Variants in AP1M2 observed in about 807,000 individuals in gnomAD.
The protein encoded by AP1M2 is AP-1 complex subunit mu-2.
AP1M2 carries 41 observed loss-of-function variants against 54.6 expected under a neutral mutation model. The observed-to-expected ratio is 0.75, with a 90% CI of 0.59 to 0.97. The LOEUF (loss-of-function observed/expected upper bound fraction) is 0.97, where lower values mean the gene tolerates loss of function less well. Among genes scored for constraint, AP1M2 ranks in the 50% least tolerant of loss-of-function variants. The pLI is 0.00. For missense variants in AP1M2, 507 were observed against 561.2 expected (o/e 0.90, Z 0.98); for synonymous variants, 219 against 215.9 (o/e 1.01, Z -0.13).
intron 1 of AP1M2, among the ~76,000 whole-genome samples, chr19:10,585,853 C>T (rs1917640400): frequency 6.6e-6 from 1 of 152,088 alleles, no homozygotes; most frequent in African/African-American, 2.4e-5. Context: ...ACAAGACAGG[C>T]TGACTGCAGT....
intron 3 of AP1M2, among the ~76,000 whole-genome samples, chr19:10,582,683 G>A (rs1413032968): frequency 3.3e-5 from 5 of 151,924 alleles, no homozygotes; most frequent in South Asian, 2.1e-4. Flanking sequence ...AGGAGGTAGA[G>A]GTTGCAGTGA....
rs541296010 is a variant in AP1M2 at position 10,581,290 on chromosome 19, G to A, written c.649C>T (p.Arg217Cys). Residue 217 changes from arginine (R) to cysteine (C), a missense_variant, in exon 6 of 12, where the codon CGC becomes TGC. Physicochemically the swap from Arg to Cys is radical, Grantham distance 180 (BLOSUM62 -3). Transcript: ENST00000250244. ...CGGCCAGTGAGCTCGAAGAGCACGCGGTCATTGAGGCCCAGCCGCAGCTCT... is the reference window on the plus strand; with the variant it reads ...CGGCCAGTGAGCTCGAAGAGCACGCAGTCATTGAGGCCCAGCCGCAGCTCT... The part of the protein sequence containing the change: ...MPELRLGLND[R>C]VLFELTGRSK... 1.5e-5 allele frequency: 24 copies of A among 1,613,654 alleles called. No homozygotes were observed. The highest frequency in any genetic ancestry group is 2.2e-5 in the South Asian group (2 of 91,076).
intron 3 of AP1M2, 162 bp downstream of exon 3, chr19:10,583,443 TG>T: frequency 1.9e-6 from 1 of 528,708 alleles, no homozygotes; most frequent in Non-Finnish European, 3.4e-6. Context: ...TAGACCAGCC[TG>T]GGCAATATAG....
At chr19:10,585,286 A>AGAAAGAAAGAAGGAAGGAAGGAAGGAAG (rs1917605655) in intron 1 of AP1M2, among the ~76,000 whole-genome samples, 1 of 58,092 alleles carries the variant, frequency 1.7e-5, no homozygotes, top group Non-Finnish European at 4.0e-5. Context: ...GAAGAAAAAA[A>AGAAAGAAAGAAGGAAGGAAGGAAGGAAG]GAAAGAAAGA....
chr19:10,577,089 G>A (rs372808982), intron 9 of AP1M2, 109 bp downstream of exon 9: 11 of 1,267,024 alleles, frequency 8.7e-6, no homozygotes, highest in East Asian at 5.1e-5. Flanking sequence ...CATCACACCT[G>A]ACTGGGTCTC....
chr19:10,578,964 C>A lies in AP1M2; in HGVS notation c.817-1G>T. 1 of 1,600,430 alleles carries A rather than the reference C, an allele frequency of 6.2e-7. No individual in the cohort carries two copies. The highest frequency in any genetic ancestry group is 8.5e-7 in the Non-Finnish European group (1 of 1,173,258). ...ACTCAATCCAGATCAGTGGCTTGAC[C>A]TGTGGGAAGAAGAAGGGGAGAGTTC... On this transcript the variant is annotated splice_acceptor_variant, in intron 7 of 11. Transcript: ENST00000250244. LOFTEE classifies it high-confidence loss of function.
chr19:10,581,854 G>C lies in AP1M2; in HGVS notation c.292C>G (p.Leu98Val), dbSNP rs764760419. The C allele has an allele frequency of 1.2e-6, 2 of 1,613,322 alleles. No individual in the cohort carries two copies. Among genetic ancestry groups the C allele is most frequent in the Non-Finnish European group, 1.7e-6 (2 of 1,179,804 alleles). Reference sequence around the variant, plus strand: ...TTGTCCCGGATGCTCTCCTCCTCCAGCTCCTTGAAGTATTCGCAGAATACC... The same window carrying C: ...TTGTCCCGGATGCTCTCCTCCTCCACCTCCTTGAAGTATTCGCAGAATACC... ...IEVFCEYFKE[L>V]EEESIRDNFV... Residue 98 changes from leucine (L) to valine (V), a missense_variant, in exon 4 of 12, where the codon CTG (leucine) becomes GTG (valine). Leu to Val is a conservative substitution (Grantham distance 32, BLOSUM62 1). Transcript: ENST00000250244.
chr19:10,577,477 A>G (rs187758170), intron 8 of AP1M2, 121 bp from the exon 9 acceptor site: 25,205 of 1,051,486 alleles, frequency 0.024, 446 homozygotes, highest in Non-Finnish European at 0.027. Context: ...TCTGTCGCCC[A>G]GGCTGGAGTG....
At position 10,573,076 on chromosome 19, in the gene AP1M2, C is replaced by T. The variant is rs937124062; in HGVS notation, c.1262G>A (p.Arg421His). 8 of 1,565,284 alleles carry T rather than the reference C, an allele frequency of 5.1e-6. No homozygotes were observed. The highest frequency in any genetic ancestry group is 2.4e-5 in the East Asian group (1 of 42,144). The change falls in exon 12 of 12, where the codon CGT becomes CAT. Residue 421 changes from arginine (R) to histidine (H), a missense_variant. By Grantham distance (29) the Arg-to-His change is conservative. Transcript: ENST00000250244. ...CATCTCTTCTCCCTTCTAGCTGGTA[C>T]GAAGTTGGTAATCTGCAGAGAAAGA... ...YITQSGDYQL[R>H]TS
chr19:10,585,849 C>T (rs1006691331), intron 1 of AP1M2, among the ~76,000 whole-genome samples: 3 of 152,084 alleles, frequency 2.0e-5, no homozygotes, highest in African/African-American at 4.8e-5. Context: ...AATGACAAGA[C>T]AGGCTGACTG....
chr19:10,577,185 C>A lies in AP1M2; in HGVS notation c.1047+13G>T, dbSNP rs373123352. On this transcript the variant is annotated intron_variant, in intron 9 of 11. Transcript: ENST00000250244. Reference sequence around the variant, plus strand: ...CTCCACCCCCAGATCCCCCGCCAGTCCCTGGTACTTACCGGGAAAGACTTA... The same window carrying A: ...CTCCACCCCCAGATCCCCCGCCAGTACCTGGTACTTACCGGGAAAGACTTA... The A allele has an allele frequency of 4.8e-5, 77 of 1,604,950 alleles. No homozygotes were observed. The highest frequency in any genetic ancestry group is 6.5e-5 in the Non-Finnish European group (77 of 1,175,912).
chr19:10,585,332 A>AAAGG (rs1917619147), intron 1 of AP1M2, among the ~76,000 whole-genome samples: 1 of 151,426 alleles, frequency 6.6e-6, no homozygotes, highest in Non-Finnish European at 1.5e-5. Flanking sequence ...AGAAAGAAAG[A>AAAGG]AAGAAAGAAA....
At chr19:10,583,794 C>T in intron 2 of AP1M2, 120 bp downstream of exon 2, 1 of 1,495,830 alleles carries the variant, frequency 6.7e-7, no homozygotes, top group Non-Finnish European at 9.1e-7. Context: ...GCCCCCCAGC[C>T]TAAGCCACAG....
At chr19:10,578,263 C>T (rs73016785) in intron 8 of AP1M2, among the ~76,000 whole-genome samples, 37,634 of 151,982 alleles carry the variant, frequency 0.25, 5,462 homozygotes, top group East Asian at 0.62. Context: ...GCTGAGAGGG[C>T]ATATGAAAGG....
chr19:10,585,698 A>G (rs1917637247), intron 1 of AP1M2, among the ~76,000 whole-genome samples: 1 of 152,112 alleles, frequency 6.6e-6, no homozygotes, highest in Non-Finnish European at 1.5e-5. Context: ...AAAAAAAAAA[A>G]AATTAGTTAA....
At position 10,581,857 on chromosome 19, in the gene AP1M2, C is replaced by T. The variant is rs528647825; in HGVS notation, c.289G>A (p.Glu97Lys). 6.2e-7 allele frequency: 1 copy of T among 1,613,368 alleles called. No individual in the cohort carries two copies. Among genetic ancestry groups the T allele is most frequent in the Non-Finnish European group, 8.5e-7 (1 of 1,179,772 alleles). ...TCCCGGATGCTCTCCTCCTCCAGCT[C>T]CTTGAAGTATTCGCAGAATACCTGG... Reference protein sequence around the residue: ...TIEVFCEYFKELEEESIRDNF... With the variant: ...TIEVFCEYFKKLEEESIRDNF... The change falls in exon 4 of 12, where the codon GAG becomes AAG. Residue 97 changes from glutamate to lysine, a missense_variant. Glu to Lys is a moderately conservative substitution (Grantham distance 56). Transcript: ENST00000250244.
At chr19:10,579,629 C>T in intron 7 of AP1M2, 87 bp downstream of exon 7, 1 of 1,428,470 alleles carries the variant, frequency 7.0e-7, no homozygotes, top group Non-Finnish European at 9.3e-7. Flanking sequence ...GTTGGGATTA[C>T]AGGCGTGAGC....
Position 10,579,795 on chromosome 19 carries a change from C to A in AP1M2, c.737G>T (p.Arg246Leu). 1 of 1,613,732 alleles carries A rather than the reference C, an allele frequency of 6.2e-7. No homozygotes were observed. The highest frequency in any genetic ancestry group is 8.5e-7 in the Non-Finnish European group (1 of 1,179,818). ...GGAGATGGTGCGGTCGTTGTCAAAGCGAGAGAGCCGCACGCACTGGTGGAA... is the reference window on the plus strand; with the variant it reads ...GGAGATGGTGCGGTCGTTGTCAAAGAGAGAGAGCCGCACGCACTGGTGGAA... Reference protein sequence around the residue: ...VKFHQCVRLSRFDNDRTISFI... With the variant: ...VKFHQCVRLSLFDNDRTISFI... Residue 246 changes from arginine to leucine, a missense_variant, in exon 7 of 12, where the codon CGC becomes CTC. By Grantham distance (102) the Arg-to-Leu change is moderately radical (BLOSUM62 -2). Transcript: ENST00000250244.
chr19:10,587,076 AG>A (rs1917672155), intron 1 of AP1M2, 113 bp downstream of exon 1: 2 of 1,183,114 alleles, frequency 1.7e-6, no homozygotes, highest in Non-Finnish European at 2.4e-6. Context: ...CAGGGATTGC[AG>A]GGGGAGGGGG....
Sources: allele counts gnomAD v4.1 joint callset (sites outside exome capture counted in the v4.1 genomes callset), GRCh38; gene constraint gnomAD v4.1.1; transcripts MANE v1.5; gene names NCBI Gene and HGNC (gene_info 2026-07-23, HGNC 2026-07-21).